Variants in PIK3C3 observed in about 807,000 individuals in gnomAD.
PIK3C3 encodes the protein PI3-kinase type 3.
PIK3C3 carries 95 observed loss-of-function variants against 126.1 expected under a neutral mutation model. That is an observed-to-expected ratio of 0.75 (90% CI 0.64 to 0.89). PIK3C3 has a LOEUF of 0.89. Among genes scored for constraint, PIK3C3 ranks in the 40% least tolerant of loss-of-function variants. PIK3C3 has a pLI of 0.00. For missense variants in PIK3C3, 829 were observed against 1,063.2 expected (o/e 0.78, Z 3.06); for synonymous variants, 374 against 360.0 (o/e 1.04, Z -0.44).
intron 13 of PIK3C3, among the ~76,000 whole-genome samples, chr18:42,022,202 C>T (rs1039049326): frequency 6.6e-6 from 1 of 152,094 alleles, no homozygotes; most frequent in Admixed American, 6.6e-5. Context: ...AGGTTTGTTA[C>T]ATATGTATAC....
At chr18:42,068,837 C>A (rs1985652803) in intron 24 of PIK3C3, among the ~76,000 whole-genome samples, 1 of 151,668 alleles carries the variant, frequency 6.6e-6, no homozygotes, top group Non-Finnish European at 1.5e-5. Flanking sequence ...GTAGTCCCAG[C>A]TACTCAGGAG....
At chr18:41,958,470 C>T (rs560309677) in intron 2 of PIK3C3, among the ~76,000 whole-genome samples, 16 of 152,250 alleles carry the variant, frequency 1.1e-4, no homozygotes, top group African/African-American at 3.9e-4. Context: ...CAGGATGTGA[C>T]CACATGGACA....
intron 19 of PIK3C3, among the ~76,000 whole-genome samples, chr18:42,041,850 A>G (rs1290361847): frequency 6.6e-6 from 1 of 152,198 alleles, no homozygotes; most frequent in Non-Finnish European, 1.5e-5. Context: ...TAGGACATCA[A>G]ACTGCCTGGG....
At chr18:42,001,505 G>C (rs1982289090) in intron 9 of PIK3C3, among the ~76,000 whole-genome samples, 1 of 152,092 alleles carries the variant, frequency 6.6e-6, no homozygotes, top group Non-Finnish European at 1.5e-5. Context: ...AAAAGACCTA[G>C]GGTCATTTAA....
chr18:42,024,303 A>G (rs1388568920), intron 13 of PIK3C3, among the ~76,000 whole-genome samples: 2 of 152,244 alleles, frequency 1.3e-5, no homozygotes, highest in African/African-American at 4.8e-5. Context: ...TGATGTGAAC[A>G]GAAACCTCAG....
At chr18:42,027,274 C>T in intron 13 of PIK3C3, 169 bp from the exon 14 acceptor site, 1 of 368,486 alleles carries the variant, frequency 2.7e-6, no homozygotes, top group South Asian at 4.4e-5. Context: ...TGTATGTGTT[C>T]CTCTTTAAGT....
chr18:41,968,291 A>G (rs751920960), intron 3 of PIK3C3, among the ~76,000 whole-genome samples: 1 of 152,190 alleles, frequency 6.6e-6, no homozygotes, highest in Non-Finnish European at 1.5e-5. Flanking sequence ...ATTTATTTAA[A>G]GTGATATTAT....
chr18:42,025,298 C>T (rs1432153844), intron 13 of PIK3C3: 1 of 152,190 alleles, frequency 6.6e-6, no homozygotes, highest in Non-Finnish European at 1.5e-5. Context: ...AGGACTTTAA[C>T]AATGAAGGGT....
intron 7 of PIK3C3, among the ~76,000 whole-genome samples, chr18:41,995,682 T>A (rs572037026): frequency 6.6e-6 from 1 of 152,284 alleles, no homozygotes; most frequent in East Asian, 1.9e-4. Context: ...GTGTGTATTA[T>A]GGGACTAGTG....
intron 13 of PIK3C3, 190 bp from the exon 14 acceptor site, chr18:42,027,253 T>C (rs936305416): frequency 6.5e-6 from 2 of 307,436 alleles, no homozygotes; most frequent in African/African-American, 4.4e-5. Flanking sequence ...AGTTTACCTT[T>C]TATTGATGGT....
chr18:41,970,803 G>T, intron 4 of PIK3C3: 1 of 390,738 alleles, frequency 2.6e-6, no homozygotes, highest in Non-Finnish European at 4.6e-6. Flanking sequence ...GTATGGATTT[G>T]CCTGTTCTGG....
intron 12 of PIK3C3, among the ~76,000 whole-genome samples, chr18:42,019,499 T>C (rs1322915818): frequency 6.6e-6 from 1 of 152,164 alleles, no homozygotes. Context: ...ATAACTTTCT[T>C]CTTGAAAAAC....
Position 42,030,537 on chromosome 18 carries a change from G to T in PIK3C3, c.1707+1096G>T, listed in dbSNP as rs907603066. ...TTTGAGTCAGTGGTTCAAAAGCAAA[G>T]AATCAGGTCTAAAGAGAAATGCTAG... On this transcript the variant is annotated intron_variant, in intron 15 of 24. Transcript: ENST00000262039. Among the ~76,000 whole-genome samples, 14 of 152,134 alleles carry T rather than the reference G, an allele frequency of 9.2e-5. 1 individual carries two copies. The highest frequency in any genetic ancestry group is 9.2e-4 in the Admixed American group (14 of 15,262).
intron 2 of PIK3C3, among the ~76,000 whole-genome samples, chr18:41,960,680 T>C (rs1404562174): frequency 6.6e-6 from 1 of 152,186 alleles, no homozygotes; most frequent in African/African-American, 2.4e-5. Context: ...TGACTAGATT[T>C]TTCTATAACT....
At chr18:41,975,698 G>GTTTT (rs35430380) in intron 4 of PIK3C3, among the ~76,000 whole-genome samples, 2 of 134,684 alleles carry the variant, frequency 1.5e-5, no homozygotes, top group Non-Finnish European at 1.6e-5. Flanking sequence ...AAAACGGACT[G>GTTTT]TTTTTTTTTT....
At chr18:42,072,749 G>A (rs650586) in intron 24 of PIK3C3, among the ~76,000 whole-genome samples, 8 of 151,908 alleles carry the variant, frequency 5.3e-5, no homozygotes, top group African/African-American at 1.2e-4. Flanking sequence ...TTGCCCAAGC[G>A]GTTCTCAAAC....
intron 5 of PIK3C3, among the ~76,000 whole-genome samples, chr18:41,989,381 G>A (rs1036652977): frequency 6.7e-6 from 1 of 148,994 alleles, no homozygotes; most frequent in African/African-American, 2.6e-5. Context: ...TGTTTTAGAT[G>A]TAAAGCCATT....
chr18:42,025,517 T>C (rs1213782294), intron 13 of PIK3C3: 1 of 152,276 alleles, frequency 6.6e-6, no homozygotes, highest in African/African-American at 2.4e-5. Context: ...CAAACATTTG[T>C]TTCCTGCCTG....
In PIK3C3 at chr18:41,996,847, G is replaced by A. The variant is rs1303890584; in HGVS notation, c.984+117G>A. On this transcript the variant is annotated intron_variant, in intron 9 of 24. Coordinates refer to ENST00000262039, the MANE Select transcript of PIK3C3 (RefSeq NM_002647.4). The stretch of plus-strand genomic sequence containing the variant: ...TGTCACTTTAAAGAAAAGTTACAGA[G>A]CAGTATATATGAGACTCCATTTTTT... 2.1e-5 allele frequency: 13 copies of A among 612,336 alleles called. No individual in the cohort carries two copies. In the East Asian group the frequency reaches 3.1e-4, roughly 14 times the overall value. 37.9% of individuals were successfully genotyped at this position (612,336 alleles called of 1,614,324 possible). A position where few individuals can be genotyped will look rare whatever the true frequency, so the allele number is the denominator to read the frequency against.
Sources: allele counts gnomAD v4.1 joint callset (sites outside exome capture counted in the v4.1 genomes callset), GRCh38; gene constraint gnomAD v4.1.1; transcripts MANE v1.5; gene names NCBI Gene and HGNC (gene_info 2026-07-23, HGNC 2026-07-21).